HCN2: variants seen among roughly 807,000 people sequenced by gnomAD.
The protein encoded by HCN2 is potassium/sodium hyperpolarization-activated cyclic nucleotide-gated channel 2.
HCN2 carries 20 observed loss-of-function variants against 52.3 expected under a neutral mutation model. That is an observed-to-expected ratio of 0.38 (90% CI 0.27 to 0.56). The LOEUF (loss-of-function observed/expected upper bound fraction) is 0.56, where lower values mean the gene tolerates loss of function less well. Among genes scored for constraint, HCN2 ranks in the 20% least tolerant of loss-of-function variants. The pLI is 0.71. For missense variants in HCN2, 981 were observed against 1,207.7 expected, an observed-to-expected ratio of 0.81 and a Z score of 2.78; for synonymous variants, 694 against 537.0, an observed-to-expected ratio of 1.29 and a Z score of -4.04.
At chr19:604,482 G>A (rs1230313022) in intron 2 of HCN2, among the ~76,000 whole-genome samples, 3 of 147,986 alleles carry the variant, frequency 2.0e-5, no homozygotes, top group African/African-American at 7.5e-5. Flanking sequence ...CAGCAGGGGT[G>A]GGGCCGTGAT....
At chr19:611,748 G>A (rs557108507) in intron 5 of HCN2, among the ~76,000 whole-genome samples, 2 of 152,132 alleles carry the variant, frequency 1.3e-5, no homozygotes, top group African/African-American at 4.8e-5. Context: ...CCCAAAAGGA[G>A]ACCTGGGGTG....
intron 5 of HCN2, among the ~76,000 whole-genome samples, chr19:611,709 A>G (rs1289962941): frequency 6.6e-6 from 1 of 152,208 alleles, no homozygotes. Flanking sequence ...ACCCGATACC[A>G]CAGCCTCACT....
At position 605,082 on chromosome 19, in the gene HCN2, C is replaced by T. The variant is rs752383019; in HGVS notation, c.1078C>T (p.Leu360=). 2 of 1,611,624 alleles carry T rather than the reference C, an allele frequency of 1.2e-6. No homozygotes were observed. Among genetic ancestry groups the T allele is most frequent in the South Asian group, 1.1e-5 (1 of 91,040 alleles). ...WEEIFHMTYD[L]ASAVMRICNL... is the part of the protein sequence containing the mutation. Reference sequence around the variant, plus strand: ...GCAGATCTTCCACATGACCTATGACCTGGCCAGCGCGGTGATGAGGATCTG... The same window carrying T: ...GCAGATCTTCCACATGACCTATGACTTGGCCAGCGCGGTGATGAGGATCTG... The change falls in exon 3 of 8, where the codon CTG becomes TTG. Residue 360 remains leucine, a synonymous_variant. Transcript: ENST00000251287.
Position 616,439 on chromosome 19 carries a change from G to A in HCN2, c.2635G>A (p.Asp879Asn), listed in dbSNP as rs1285640120. The change falls in exon 8 of 8, where the codon GAC becomes AAC. Residue 879 changes from aspartate (D) to asparagine (N), a missense_variant. By Grantham distance (23) the Asp-to-Asn change is conservative. Around this residue, in one of 6 missense-constraint regions of HCN2, gnomAD observed 368 missense variants for 314.8 expected, o/e 1.17. Coordinates refer to ENST00000251287, the MANE Select transcript of HCN2 (RefSeq NM_001194.4). ...PGAAGGLDPQ[D>N]SARSRLSSNL Reference sequence around the variant, plus strand: ...CGCCGCCGGCGGCCTGGACCCCCAGGACTCCGCGCGCTCGCGCCTCTCGTC... The same window carrying A: ...CGCCGCCGGCGGCCTGGACCCCCAGAACTCCGCGCGCTCGCGCCTCTCGTC... The A allele has an allele frequency of 4.8e-5, 60 of 1,248,078 alleles. No homozygotes were observed. The highest frequency in any genetic ancestry group is 1.7e-4 in the South Asian group (8 of 46,808). The allele number at this position is 1,248,078 out of a possible 1,614,324, so 77.3% of individuals were successfully genotyped here. A position where few individuals can be genotyped will look rare whatever the true frequency, so the allele number is the denominator to read the frequency against.
At chr19:595,377 G>A (rs745307000) in intron 1 of HCN2, among the ~76,000 whole-genome samples, 1 of 150,850 alleles carries the variant, frequency 6.6e-6, no homozygotes, top group Non-Finnish European at 1.5e-5. Context: ...CCTCCCGGCT[G>A]TCAGCATGGG....
At chr19:599,847 CGTGTGTGTGTGTGTGTGTGTGTGTGT>C (rs34793549) in intron 1 of HCN2, among the ~76,000 whole-genome samples, 12 of 133,302 alleles carry the variant, frequency 9.0e-5, no homozygotes, top group Non-Finnish European at 1.6e-4. Flanking sequence ...GAAGGGGTCC[CGTGTGTGTGTGTGTGTGTGTGTGTGT>C]GTGTGTGTGT....
rs758930045 is a variant in HCN2, at chr19:613,397, G to A, written c.1734G>A (p.Gly578=). ...ACATCATCCGCGAAGGCACCATCGG[G>A]AAGAAGATGTACTTCATCCAGCACG... ...GDYIIREGTI[G]KKMYFIQHGV... is the part of the protein sequence containing the mutation. Residue 578 remains glycine, a synonymous_variant, in exon 6 of 8, where the codon GGG becomes GGA. Coordinates refer to ENST00000251287, the MANE Select transcript of HCN2 (RefSeq NM_001194.4). 1.9e-6 allele frequency: 3 copies of A among 1,612,746 alleles called. No homozygotes were observed. In the South Asian group the frequency reaches 3.3e-5, roughly 18 times the overall value.
rs146953957 is a variant in HCN2, at chr19:608,083, C to T, written c.1338C>T (p.Leu446=). ...TGACGGACATCTGGCTGACCATGCTCAGCATGATTGTGGGTGCCACCTGCT... is the reference window on the plus strand; with the variant it reads ...TGACGGACATCTGGCTGACCATGCTTAGCATGATTGTGGGTGCCACCTGCT... ...ESMTDIWLTM[L]SMIVGATCYA... The change falls in exon 4 of 8, where the codon CTC becomes CTT. Residue 446 remains leucine (L), a synonymous_variant. Coordinates refer to ENST00000251287, the MANE Select transcript of HCN2 (RefSeq NM_001194.4). The T allele has an allele frequency of 2.1e-4, 336 of 1,613,154 alleles. No individual in the cohort carries two copies. The highest frequency in any genetic ancestry group is 1.8e-3 in the African/African-American group (138 of 74,946).
At chr19:595,877 C>G (rs1033248234) in intron 1 of HCN2, among the ~76,000 whole-genome samples, 2 of 152,248 alleles carry the variant, frequency 1.3e-5, no homozygotes, top group Non-Finnish European at 2.9e-5. Flanking sequence ...AATCCTCTCC[C>G]GGATTGTCCC....
chr19:602,415 TC>T (rs1983236543), intron 1 of HCN2, among the ~76,000 whole-genome samples: 2 of 77,744 alleles, frequency 2.6e-5, no homozygotes, highest in African/African-American at 5.3e-5. Context: ...ACGCCCCACT[TC>T]CTCCTCTCTC....
At chr19:612,427 T>TGTGTGTGAGA in intron 5 of HCN2, among the ~76,000 whole-genome samples, 2,450 of 142,280 alleles carry the variant, frequency 0.017, 32 homozygotes, top group Admixed American at 0.023. Context: ...TGTGTGTGTG[T>TGTGTGTGAGA]GAGAGAGAGA....
chr19:611,486 G>A (rs759678376), intron 5 of HCN2, among the ~76,000 whole-genome samples: 66 of 152,170 alleles, frequency 4.3e-4, no homozygotes, highest in Admixed American at 8.5e-4. Flanking sequence ...CGGGCAGGAC[G>A]GGCCTGACAC....
At chr19:600,317 C>T (rs907089027) in intron 1 of HCN2, among the ~76,000 whole-genome samples, 5 of 152,136 alleles carry the variant, frequency 3.3e-5, no homozygotes, top group Non-Finnish European at 7.4e-5. Context: ...GTACTACAGG[C>T]GCCCGCCACC....
chr19:602,578 CTGGCTTCCCG>C (rs1279139413), intron 1 of HCN2, among the ~76,000 whole-genome samples: 1 of 152,208 alleles, frequency 6.6e-6, no homozygotes, highest in Non-Finnish European at 1.5e-5. Context: ...ATTTCCCACC[CTGGCTTCCCG>C]CCTTCGCTCT....
rs1983945626 is a variant in HCN2, at chr19:616,615, G to GGGCAGGGCC, written c.*145_*153dup. On this transcript the variant is annotated 3_prime_UTR_variant, in exon 8 of 8. Coordinates refer to ENST00000251287, the MANE Select transcript of HCN2 (RefSeq NM_001194.4). ...CGTAGGTAGCCGTAGTTGGACGGAC[G>GGGCAGGGCC]GGCAGGGCCGGCGGGGCAGCCCCCT... The GGGCAGGGCC allele has an allele frequency of 4.8e-6, 2 of 419,836 alleles. No individual in the cohort carries two copies. The highest frequency in any genetic ancestry group is 5.5e-5 in the Admixed American group (1 of 18,146). 26.0% of individuals were successfully genotyped at this position (419,836 alleles called of 1,614,324 possible).
Position 616,945 on chromosome 19 carries a change from C to A in HCN2, c.*471C>A. 1 of 406,378 alleles carries A rather than the reference C, an allele frequency of 2.5e-6. No homozygotes were observed. Among genetic ancestry groups the A allele is most frequent in the Non-Finnish European group, 4.6e-6 (1 of 219,424 alleles). 25.2% of individuals were successfully genotyped at this position (406,378 alleles called of 1,614,324 possible). A position where few individuals can be genotyped will look rare whatever the true frequency, so the allele number is the denominator to read the frequency against. On this transcript the variant is annotated 3_prime_UTR_variant, in exon 8 of 8. Transcript: ENST00000251287. Reference sequence around the variant, plus strand: ...CGGCCCGGCCCCCGTCCGCGCGCGTCCCCCGGTGACCTCGGGGAGCAGCAC... The same window carrying A: ...CGGCCCGGCCCCCGTCCGCGCGCGTACCCCGGTGACCTCGGGGAGCAGCAC...
chr19:595,022 A>G (rs538484147), intron 1 of HCN2, among the ~76,000 whole-genome samples: 1 of 151,784 alleles, frequency 6.6e-6, no homozygotes, highest in South Asian at 2.1e-4. Context: ...GCAACATAGC[A>G]AGACCCCCAT....
In HCN2 at chr19:610,423, C is replaced by G. The variant is rs377560524; in HGVS notation, c.1584+18C>G. On this transcript the variant is annotated intron_variant, in intron 5 of 7. Transcript: ENST00000251287. ...TGCGGGAGGTGAGGCGGGCGCCGGG[C>G]GGGCGGGAGGCAGCCTCCGGTACAG... 3 of 1,608,174 alleles carry G rather than the reference C, an allele frequency of 1.9e-6. No homozygotes were observed. Among genetic ancestry groups the G allele is most frequent in the Middle Eastern group, 1.8e-4 (1 of 5,682 alleles).
chr19:611,511 C>T (rs1295646540), intron 5 of HCN2, among the ~76,000 whole-genome samples: 2 of 152,292 alleles, frequency 1.3e-5, no homozygotes, highest in African/African-American at 4.8e-5. Flanking sequence ...GACCTCGGGC[C>T]CCGGGAATGC....
Sources: gnomAD v4.1 joint callset for allele counts (sites outside exome capture counted in the v4.1 genomes callset) on GRCh38, gnomAD v4.1.1 for gene constraint, gnomAD v4.1.1 regional missense constraint, MANE v1.5 for transcripts, NCBI Gene and HGNC (gene_info 2026-07-23, HGNC 2026-07-21) for gene names.